Variants in TASP1 observed in about 807,000 individuals in gnomAD.
TASP1 encodes threonine aspartase 1.
In TASP1, 16 loss-of-function variants were observed where a neutral mutation model predicts 56.6. That is an observed-to-expected ratio of 0.28 (90% CI 0.19 to 0.43). The LOEUF is 0.43. TASP1 is among the 20% of genes least tolerant of loss of function. The pLI is 1.00. For synonymous variants in TASP1, 179 were observed against 184.2 expected (o/e 0.97, Z 0.23); for missense variants, 393 against 511.6 (o/e 0.77, Z 2.24).
At chr20:13,445,413 T>C (rs1431741751) in intron 11 of TASP1, among the ~76,000 whole-genome samples, 11 of 152,188 alleles carry the variant, frequency 7.2e-5, no homozygotes, top group Non-Finnish European at 1.2e-4. Context: ...TAAAGCAGTC[T>C]AAGAAGAATC....
the TASP1 span, among the ~76,000 whole-genome samples, chr20:13,268,114 G>GTCTTCTCTTCTCATC: frequency 7.1e-6 from 1 of 140,392 alleles, no homozygotes; most frequent in African/African-American, 2.7e-5. Flanking sequence ...CTCCTCTCCT[G>GTCTTCTCTTCTCATC]TCTTCTCTTC....
At chr20:13,564,586 A>C (rs546641671) in intron 7 of TASP1, among the ~76,000 whole-genome samples, 2 of 151,818 alleles carry the variant, frequency 1.3e-5, no homozygotes, top group African/African-American at 4.8e-5. Flanking sequence ...TAGAAATATC[A>C]ATCCTAAAAT....
the TASP1 span, among the ~76,000 whole-genome samples, chr20:13,202,825 G>T: frequency 4.6e-5 from 7 of 152,250 alleles, no homozygotes; most frequent in Non-Finnish European, 1.0e-4. Flanking sequence ...TTGGCCACCT[G>T]TGAGTGGTTG....
intron 4 of TASP1, among the ~76,000 whole-genome samples, chr20:13,617,523 G>GCATCAAGCTGT (rs1265890227): frequency 5.9e-5 from 9 of 152,146 alleles, no homozygotes; most frequent in Non-Finnish European, 1.0e-4. Context: ...TGAGCTAAAT[G>GCATCAAGCTGT]CATCAAGCTG....
chr20:13,325,558 T>C, the TASP1 span, among the ~76,000 whole-genome samples: 1 of 152,192 alleles, frequency 6.6e-6, no homozygotes, highest in Non-Finnish European at 1.5e-5. Context: ...AACAGTTACC[T>C]AGTTGTCCCC....
At chr20:13,184,925 C>T in the TASP1 span, among the ~76,000 whole-genome samples, 524 of 152,056 alleles carry the variant, frequency 3.4e-3, 7 homozygotes, top group African/African-American at 0.012. Flanking sequence ...GTTACCATAC[C>T]AACACATAGG....
intron 10 of TASP1, among the ~76,000 whole-genome samples, chr20:13,521,472 T>C (rs531038522): frequency 3.9e-5 from 6 of 152,172 alleles, no homozygotes; most frequent in Admixed American, 1.3e-4. Context: ...ATGTCCTTTT[T>C]AGGGACATGG....
chr20:13,345,645 C>A, the TASP1 span, among the ~76,000 whole-genome samples: 8 of 152,132 alleles, frequency 5.3e-5, no homozygotes, highest in Admixed American at 3.3e-4. Context: ...AAGGCTGGTA[C>A]CCTGTAGAAC....
chr20:13,255,360 T>C, the TASP1 span, among the ~76,000 whole-genome samples: 2 of 152,232 alleles, frequency 1.3e-5, no homozygotes, highest in Non-Finnish European at 2.9e-5. Context: ...CATTGTACAG[T>C]TGAGTTTACA....
At chr20:13,504,225 A>AT (rs1456499622) in intron 10 of TASP1, among the ~76,000 whole-genome samples, 1 of 152,154 alleles carries the variant, frequency 6.6e-6, no homozygotes, top group Non-Finnish European at 1.5e-5. Flanking sequence ...ATCACATACA[A>AT]GAAAATTCCC....
intron 11 of TASP1, among the ~76,000 whole-genome samples, chr20:13,437,125 C>G (rs1026332132): frequency 2.0e-5 from 3 of 152,052 alleles, no homozygotes; most frequent in Non-Finnish European, 4.4e-5. Context: ...TACTGGCAAA[C>G]CGAATCCAGC....
chr20:13,276,311 C>T, the TASP1 span, among the ~76,000 whole-genome samples: 2 of 152,152 alleles, frequency 1.3e-5, no homozygotes, highest in Non-Finnish European at 2.9e-5. Flanking sequence ...TTTATTATCA[C>T]CTAGACTGAG....
At chr20:13,130,173 T>C in the TASP1 span, among the ~76,000 whole-genome samples, 1 of 152,228 alleles carries the variant, frequency 6.6e-6, no homozygotes. Flanking sequence ...CAACAATGGC[T>C]GCTTTAAATC....
At chr20:13,203,512 C>G in the TASP1 span, among the ~76,000 whole-genome samples, 3 of 152,178 alleles carry the variant, frequency 2.0e-5, no homozygotes, top group Non-Finnish European at 4.4e-5. Flanking sequence ...TTTCAACAGT[C>G]ACAGTGCACT....
At chr20:13,591,112 T>C (rs899056726) in intron 4 of TASP1, among the ~76,000 whole-genome samples, 4 of 151,216 alleles carry the variant, frequency 2.6e-5, no homozygotes, top group African/African-American at 9.7e-5. Flanking sequence ...TGGAGAAGAA[T>C]GGGAAATATC....
chr20:13,318,158 A>AATAAATAAATAAATAAATAC, the TASP1 span, among the ~76,000 whole-genome samples: 1 of 151,818 alleles, frequency 6.6e-6, no homozygotes, highest in South Asian at 2.1e-4. Flanking sequence ...TAAATAAATA[A>AATAAATAAATAAATAAATAC]ATAAAAATGA....
At chr20:13,542,485 T>TG (rs2045660060) in intron 8 of TASP1, among the ~76,000 whole-genome samples, 1 of 152,154 alleles carries the variant, frequency 6.6e-6, no homozygotes, top group South Asian at 2.1e-4. Context: ...CAGTAAGAAA[T>TG]GGACGTGAAT....
At chr20:13,123,597 T>C in the TASP1 span, among the ~76,000 whole-genome samples, 248 of 152,310 alleles carry the variant, frequency 1.6e-3, 1 homozygote, top group African/African-American at 5.7e-3. Flanking sequence ...TCCTGCGTTA[T>C]ATTCCCTCCA....
the TASP1 span, among the ~76,000 whole-genome samples, chr20:13,157,161 G>A: frequency 6.6e-6 from 1 of 152,012 alleles, no homozygotes. Context: ...TCTAAAGCCG[G>A]GTACGGTAGC....
Sources: gnomAD v4.1 joint callset for allele counts (sites outside exome capture counted in the v4.1 genomes callset) on GRCh38, gnomAD v4.1.1 for gene constraint, MANE v1.5 for transcripts, NCBI Gene and HGNC (gene_info 2026-07-23, HGNC 2026-07-21) for gene names.